Variants in RBFOX1 observed in about 807,000 individuals in gnomAD.
RBFOX1 encodes RNA binding fox-1 homolog 1.
RBFOX1 carries 8 observed loss-of-function variants against 57.7 expected under a neutral mutation model. The ratio of observed to expected loss-of-function variants is 0.14; its 90% CI spans 0.08 to 0.25. The LOEUF (loss-of-function observed/expected upper bound fraction) is 0.25, where lower values mean the gene tolerates loss of function less well. Among genes scored for constraint, RBFOX1 ranks in the 10% least tolerant of loss-of-function variants. RBFOX1 has a pLI of 1.00. For missense variants in RBFOX1, 611 were observed against 548.5 expected, an observed-to-expected ratio of 1.11 and a Z score of -1.14; for synonymous variants, 326 against 222.4, an observed-to-expected ratio of 1.47 and a Z score of -4.15.
intron 2 of RBFOX1, among the ~76,000 whole-genome samples, chr16:6,567,384 G>A (rs953661128): frequency 1.4e-4 from 21 of 152,156 alleles, no homozygotes; most frequent in African/African-American, 4.8e-4. Flanking sequence ...AGTAGCTCAG[G>A]TTCGTTTGGT....
Position 7,527,770 on chromosome 16 carries a change from A to C in RBFOX1, c.270+9381A>C, listed in dbSNP as rs566549714. On this transcript the variant is annotated intron_variant, in intron 5 of 15. Coordinates refer to ENST00000550418, the MANE Select transcript of RBFOX1 (RefSeq NM_018723.4). ...ACAAACACATAGTAAACATTCTACC[A>C]GATCGACCATCCTAATTATGAAATA... Among the ~76,000 whole-genome samples the C allele has an allele frequency of 1.4e-3, 206 of 152,318 alleles. 1 individual carries two copies. The highest frequency in any genetic ancestry group is 4.7e-3 in the African/African-American group (194 of 41,568).
chr16:7,050,648 C>T (rs79237231), intron 3 of RBFOX1, among the ~76,000 whole-genome samples: 1 of 152,048 alleles, frequency 6.6e-6, no homozygotes, highest in Non-Finnish European at 1.5e-5. Flanking sequence ...TCTGTGGTTT[C>T]TTTTCTTAAC....
chr16:7,506,651 C>T (rs1479956381), intron 4 of RBFOX1, among the ~76,000 whole-genome samples: 6 of 152,126 alleles, frequency 3.9e-5, no homozygotes, highest in Non-Finnish European at 7.4e-5. Flanking sequence ...GATTCAGTAA[C>T]AAGAATTCTT....
chr16:6,788,312 G>A (rs2082304981), intron 3 of RBFOX1, among the ~76,000 whole-genome samples: 1 of 152,002 alleles, frequency 6.6e-6, no homozygotes, highest in African/African-American at 2.4e-5. Context: ...AAATTCCCCA[G>A]CATCTGCAGA....
intron 3 of RBFOX1, among the ~76,000 whole-genome samples, chr16:6,713,562 A>T (rs143013475): frequency 1.3e-5 from 2 of 152,018 alleles, no homozygotes; most frequent in African/African-American, 4.8e-5. Flanking sequence ...GACAACCACA[A>T]ATCTCTCCAG....
At chr16:7,165,422 T>C (rs113979768) in intron 4 of RBFOX1, among the ~76,000 whole-genome samples, 15 of 57,036 alleles carry the variant, frequency 2.6e-4, no homozygotes, top group African/African-American at 8.6e-4. Context: ...TAATAATCAT[T>C]ATTATTATTA....
intron 2 of RBFOX1, among the ~76,000 whole-genome samples, chr16:6,356,787 C>G (rs201524273): frequency 6.6e-5 from 10 of 152,102 alleles, no homozygotes; most frequent in African/African-American, 2.4e-4. Context: ...GTGTCAATAT[C>G]GGTTTATTAA....
intron 1 of RBFOX1, among the ~76,000 whole-genome samples, chr16:6,179,042 G>A (rs764373320): frequency 1.3e-5 from 2 of 152,224 alleles, no homozygotes; most frequent in Non-Finnish European, 2.9e-5. Context: ...ATCATGGGCT[G>A]AACTCAGGTG....
intron 4 of RBFOX1, among the ~76,000 whole-genome samples, chr16:7,155,388 A>C (rs961371699): frequency 2.6e-5 from 4 of 151,936 alleles, no homozygotes; most frequent in African/African-American, 9.7e-5. Flanking sequence ...CAGGAGTTCA[A>C]AACCAGCCTG....
At chr16:7,004,100 C>T (rs761822156) in intron 3 of RBFOX1, 3 of 151,154 alleles carry the variant, frequency 2.0e-5, no homozygotes, top group Non-Finnish European at 4.4e-5. Context: ...ATATGTGTTG[C>T]CAATGTGGAC....
intron 1 of RBFOX1, among the ~76,000 whole-genome samples, chr16:6,286,500 A>G (rs563228669): frequency 1.3e-5 from 2 of 152,300 alleles, no homozygotes; most frequent in South Asian, 4.1e-4. Context: ...ACCTTGCAAG[A>G]TTGTTGCAAG....
At chr16:6,767,128 A>AT (rs1222588987) in intron 3 of RBFOX1, among the ~76,000 whole-genome samples, 2 of 151,868 alleles carry the variant, frequency 1.3e-5, no homozygotes, top group Non-Finnish European at 2.9e-5. Flanking sequence ...CCTCTCTTGC[A>AT]TTTTTCCTCC....
At chr16:7,177,777 T>A (rs1179709329) in intron 4 of RBFOX1, among the ~76,000 whole-genome samples, 1 of 152,202 alleles carries the variant, frequency 6.6e-6, no homozygotes, top group Non-Finnish European at 1.5e-5. Flanking sequence ...ACTCCTCAAC[T>A]CTTCTGTTGT....
At chr16:6,935,446 C>T (rs960795149) in intron 3 of RBFOX1, among the ~76,000 whole-genome samples, 1 of 152,142 alleles carries the variant, frequency 6.6e-6, no homozygotes, top group African/African-American at 2.4e-5. Context: ...CTCTTCTTGT[C>T]AATTTTCTTT....
At chr16:6,903,355 A>C (rs1266926994) in intron 3 of RBFOX1, among the ~76,000 whole-genome samples, 1 of 152,170 alleles carries the variant, frequency 6.6e-6, no homozygotes, top group Non-Finnish European at 1.5e-5. Flanking sequence ...ATAAAGCAAG[A>C]ATGATGGGAA....
intron 4 of RBFOX1, among the ~76,000 whole-genome samples, chr16:5,884,470 CT>C (rs1423681831): frequency 1.6e-3 from 239 of 147,884 alleles, no homozygotes; most frequent in African/African-American, 5.7e-3. Flanking sequence ...CACCACCCCC[CT>C]ACCCCCGCCC....
chr16:5,854,917 C>T (rs1032356105), intron 3 of RBFOX1, among the ~76,000 whole-genome samples: 3 of 152,306 alleles, frequency 2.0e-5, no homozygotes, highest in African/African-American at 7.2e-5. Flanking sequence ...GTAACCCAGC[C>T]TAACAAGTGT....
chr16:6,813,999 G>A (rs1383262705), intron 3 of RBFOX1, among the ~76,000 whole-genome samples: 2 of 151,544 alleles, frequency 1.3e-5, no homozygotes, highest in Non-Finnish European at 2.9e-5. Flanking sequence ...AATATCTGAG[G>A]ACCGGTTCAG....
chr16:5,867,273 T>C, intron 3 of RBFOX1: 5 of 1,170,568 alleles, frequency 4.3e-6, no homozygotes, highest in Non-Finnish European at 4.3e-6. Context: ...GTTGAATCAA[T>C]ACTAATGTCT....
Sources: gnomAD v4.1 joint callset for allele counts (sites outside exome capture counted in the v4.1 genomes callset) on GRCh38, gnomAD v4.1.1 for gene constraint, MANE v1.5 for transcripts, NCBI Gene and HGNC (gene_info 2026-07-23, HGNC 2026-07-21) for gene names.